Variants in GREB1L observed in about 807,000 individuals in gnomAD.
GREB1L encodes the protein GREB1-like protein.
In GREB1L, 17 loss-of-function variants were observed where a neutral mutation model predicts 200.8. That is an observed-to-expected ratio of 0.08 (90% CI 0.06 to 0.13). The LOEUF (loss-of-function observed/expected upper bound fraction) is 0.13. Among genes scored for constraint, GREB1L ranks in the 10% least tolerant of loss-of-function variants. The pLI is 1.00. For synonymous variants in GREB1L, 789 were observed against 893.0 expected (o/e 0.88, Z 2.08); for missense variants, 1,657 against 2,367.7 (o/e 0.70, Z 6.23).
At chr18:21,461,391 C>G (rs867708147) in intron 15 of GREB1L, among the ~76,000 whole-genome samples, 1 of 152,292 alleles carries the variant, frequency 6.6e-6, no homozygotes, top group African/African-American at 2.4e-5. Context: ...TTAATCCCAC[C>G]TGGCCCTCCA....
At chr18:21,503,937 TTTTA>T (rs1019217327) in intron 23 of GREB1L, among the ~76,000 whole-genome samples, 2 of 151,394 alleles carry the variant, frequency 1.3e-5, no homozygotes, top group South Asian at 2.1e-4. Flanking sequence ...AGGCACTTTA[TTTTA>T]TTTATTTATT....
chr18:21,323,314 A>G (rs1193571293), intron 1 of GREB1L, among the ~76,000 whole-genome samples: 1 of 152,116 alleles, frequency 6.6e-6, no homozygotes, highest in African/African-American at 2.4e-5. Context: ...TCAAAATTGA[A>G]TAATATAAGT....
At chr18:21,294,728 TAGA>T (rs1054233097) in intron 1 of GREB1L, among the ~76,000 whole-genome samples, 6 of 152,134 alleles carry the variant, frequency 3.9e-5, no homozygotes, top group African/African-American at 1.4e-4. Context: ...TATACATTGT[TAGA>T]AGAACTGCCA....
chr18:21,280,855 A>G (rs1408374396), intron 1 of GREB1L, among the ~76,000 whole-genome samples: 1 of 152,182 alleles, frequency 6.6e-6, no homozygotes, highest in Non-Finnish European at 1.5e-5. Flanking sequence ...AGAAATGCCT[A>G]CTGTCAGTAT....
chr18:21,316,117 G>C (rs2038864523), intron 1 of GREB1L, among the ~76,000 whole-genome samples: 1 of 152,078 alleles, frequency 6.6e-6, no homozygotes, highest in Non-Finnish European at 1.5e-5. Flanking sequence ...CTTTTTCTCT[G>C]TGTACCCGCC....
At chr18:21,291,174 C>T (rs2038444039) in intron 1 of GREB1L, among the ~76,000 whole-genome samples, 1 of 152,138 alleles carries the variant, frequency 6.6e-6, no homozygotes, top group Non-Finnish European at 1.5e-5. Context: ...AGGCAGTACC[C>T]TAGCTATACT....
chr18:21,274,843 C>T (rs1179076676), intron 1 of GREB1L, among the ~76,000 whole-genome samples: 2 of 151,816 alleles, frequency 1.3e-5, no homozygotes, highest in Admixed American at 6.6e-5. Context: ...ACTATGAGTG[C>T]GCTACTGCAC....
chr18:21,508,471 G>A lies in GREB1L; in HGVS notation c.4615G>A (p.Glu1539Lys). ...HGLLNLFHAM[E>K]GISHLHLLVV... is the part of the protein sequence containing the mutation. ...ACTCCTAAACCTTTTCCACGCCATGGAGGGCATCAGCCACCTTCACCTCCT... is the reference window on the plus strand; with the variant it reads ...ACTCCTAAACCTTTTCCACGCCATGAAGGGCATCAGCCACCTTCACCTCCT... Residue 1539 changes from glutamate (E) to lysine (K), a missense_variant, in exon 27 of 33, where the codon GAG becomes AAG. Physicochemically the swap from Glu to Lys is moderately conservative, Grantham distance 56. Transcript: ENST00000424526. The A allele has an allele frequency of 6.4e-7, 1 of 1,551,698 alleles. No homozygotes were observed. The highest frequency in any genetic ancestry group is 8.7e-7 in the Non-Finnish European group (1 of 1,146,988).
chr18:21,362,622 C>T (rs1025896), intron 1 of GREB1L, among the ~76,000 whole-genome samples: 22,519 of 152,046 alleles, frequency 0.15, 3,599 homozygotes, highest in African/African-American at 0.39. Flanking sequence ...CTGTGTTGCT[C>T]GATATCTATT....
chr18:21,496,125 G>A (rs73425766), intron 20 of GREB1L, among the ~76,000 whole-genome samples: 256 of 152,228 alleles, frequency 1.7e-3, no homozygotes, highest in African/African-American at 5.8e-3. Flanking sequence ...AGACTGGAGG[G>A]CAACAACAAC....
chr18:21,474,855 T>C (rs1317781369), intron 16 of GREB1L, among the ~76,000 whole-genome samples: 2 of 152,172 alleles, frequency 1.3e-5, no homozygotes, highest in East Asian at 3.9e-4. Flanking sequence ...CTTATGCAAA[T>C]TTCTCCAGCC....
chr18:21,252,589 C>G (rs1293260761), intron 1 of GREB1L, among the ~76,000 whole-genome samples: 9 of 149,482 alleles, frequency 6.0e-5, no homozygotes, highest in African/African-American at 2.2e-4. Flanking sequence ...TAAAAGTGGC[C>G]GGGCACAGTG....
chr18:21,359,094 C>T (rs2039546488), intron 1 of GREB1L, among the ~76,000 whole-genome samples: 1 of 152,174 alleles, frequency 6.6e-6, no homozygotes, highest in Non-Finnish European at 1.5e-5. Flanking sequence ...GGTGTCTTGG[C>T]CATGGTTACT....
At chr18:21,481,509 A>G (rs1183968098) in intron 17 of GREB1L, among the ~76,000 whole-genome samples, 2 of 146,518 alleles carry the variant, frequency 1.4e-5, no homozygotes, top group Non-Finnish European at 3.0e-5. Flanking sequence ...CATTATTAGA[A>G]TTTACCTGTT....
At chr18:21,463,134 CTTTTTTTTTTTTTTTTT>C (rs11355874) in intron 15 of GREB1L, among the ~76,000 whole-genome samples, 18 of 55,682 alleles carry the variant, frequency 3.2e-4, no homozygotes, top group African/African-American at 1.3e-3. Flanking sequence ...CTTAATGGTT[CTTTTTTTTTTTTTTTTT>C]TTTTTTTTTT....
intron 1 of GREB1L, among the ~76,000 whole-genome samples, chr18:21,349,237 TG>T (rs1207869923): frequency 1.3e-5 from 2 of 152,188 alleles, no homozygotes; most frequent in African/African-American, 4.8e-5. Context: ...ATTTTTTTTT[TG>T]AAAACTTCCA....
chr18:21,464,785 A>C (rs2035203021), intron 15 of GREB1L, among the ~76,000 whole-genome samples: 1 of 152,172 alleles, frequency 6.6e-6, no homozygotes, highest in South Asian at 2.1e-4. Context: ...GTTCAACCTG[A>C]GTCTGATCAC....
chr18:21,413,433 A>T (rs756526292), intron 7 of GREB1L, among the ~76,000 whole-genome samples: 11 of 152,166 alleles, frequency 7.2e-5, no homozygotes, highest in Non-Finnish European at 1.5e-4. Flanking sequence ...TTCCTCCAGC[A>T]TGATTTTCTA....
rs1179052979 is a variant in GREB1L at position 21,436,668 on chromosome 18, T to TGG, written c.833-2852_833-2851dup. On this transcript the variant is annotated intron_variant, in intron 7 of 32. Transcript: ENST00000424526. ...AAGATAGAATCCCAGAAAAGTTCAG[T>TGG]GGTGTGTGTGTGTGTGTGTGTGTGT... Among the ~76,000 whole-genome samples, 253 of 105,062 alleles carry TGG rather than the reference T, an allele frequency of 2.4e-3. 1 individual carries two copies. Among genetic ancestry groups the TGG allele is most frequent in the African/African-American group, 0.01 (243 of 24,286 alleles). The allele number at this position is 105,062 out of a possible 152,430, so 68.9% of individuals were successfully genotyped here. A position where few individuals can be genotyped will look rare whatever the true frequency, so the allele number is the denominator to read the frequency against.
Sources: gnomAD v4.1 joint callset for allele counts (sites outside exome capture counted in the v4.1 genomes callset) on GRCh38, gnomAD v4.1.1 for gene constraint, MANE v1.5 for transcripts, NCBI Gene and HGNC (gene_info 2026-07-23, HGNC 2026-07-21) for gene names.